MED13: variants seen among roughly 807,000 people sequenced by gnomAD.
MED13 encodes the protein mediator complex subunit 13, also known as mediator of RNA polymerase II transcription subunit 13.
MED13 carries 23 observed loss-of-function variants against 225.2 expected under a neutral mutation model. That is an observed-to-expected ratio of 0.10 (90% CI 0.07 to 0.14). The LOEUF (loss-of-function observed/expected upper bound fraction) is 0.14. MED13 is among the 10% of genes least tolerant of loss of function. The probability of loss-of-function intolerance (pLI) is 1.00; values close to 1 mark genes in which losing one functional copy is unlikely to be tolerated. For synonymous variants in MED13, 942 were observed against 889.2 expected, an observed-to-expected ratio of 1.06 and a Z score of -1.06; for missense variants, 2,197 against 2,594.5, an observed-to-expected ratio of 0.85 and a Z score of 3.33.
In MED13 at chr17:61,944,455, G is replaced by A. The variant is rs1054696845; in HGVS notation, c.*2013C>T. ...GTATTAGCATAATTTAAAAACAAAT[G>A]CAGAGAGGTGATCTTTAAATTTAAT... On this transcript the variant is annotated 3_prime_UTR_variant, in exon 30 of 30. Coordinates refer to ENST00000397786, the MANE Select transcript of MED13 (RefSeq NM_005121.3). 2 of 150,784 alleles carry A rather than the reference G, an allele frequency of 1.3e-5. No individual in the cohort carries two copies. Among genetic ancestry groups the A allele is most frequent in the African/African-American group, 4.9e-5 (2 of 41,016 alleles). 9.3% of individuals were successfully genotyped at this position (150,784 alleles called of 1,614,324 possible). A position where few individuals can be genotyped will look rare whatever the true frequency, so the allele number is the denominator to read the frequency against.
At chr17:61,990,688 AATAT>A (rs1213532141) in intron 11 of MED13, among the ~76,000 whole-genome samples, 9 of 149,304 alleles carry the variant, frequency 6.0e-5, no homozygotes, top group Admixed American at 1.3e-4. Context: ...GTATACCATA[AATAT>A]ATATAATTTT....
chr17:62,049,658 G>A (rs1348773338), intron 3 of MED13, among the ~76,000 whole-genome samples: 6 of 152,170 alleles, frequency 3.9e-5, no homozygotes, highest in African/African-American at 2.4e-5. Flanking sequence ...AAGGCTGGGC[G>A]CCGTGGCTCA....
At chr17:61,984,113 A>G in intron 15 of MED13, 58 bp downstream of exon 15, 6 of 1,209,742 alleles carry the variant, frequency 5.0e-6, no homozygotes, top group Non-Finnish European at 6.5e-6. Flanking sequence ...TAAATCTATG[A>G]AAAAAAAATT....
rs1431098403 is a variant in MED13, at chr17:61,995,137, T to C, written c.2181+15A>G. ...AATCAACAGTGACCCTTTGGTGTAC[T>C]GTGATTTCTCTTACCTTGTGTTTTT... On this transcript the variant is annotated intron_variant, in intron 10 of 29. Coordinates refer to ENST00000397786, the MANE Select transcript of MED13 (RefSeq NM_005121.3). 4 of 1,581,484 alleles carry C rather than the reference T, an allele frequency of 2.5e-6. No homozygotes were observed. Among genetic ancestry groups the C allele is most frequent in the Non-Finnish European group, 3.5e-6 (4 of 1,151,062 alleles).
intron 9 of MED13, chr17:62,004,455 C>T (rs539368403): frequency 6.6e-6 from 1 of 152,174 alleles, no homozygotes; most frequent in Non-Finnish European, 1.5e-5. Flanking sequence ...AACTTTTGAG[C>T]AGCACTGAAT....
intron 2 of MED13, among the ~76,000 whole-genome samples, chr17:62,056,444 A>G (rs1170314914): frequency 6.6e-6 from 1 of 152,192 alleles, no homozygotes; most frequent in Admixed American, 6.5e-5. Context: ...CCTAATAGAA[A>G]AAGTCTGCTT....
At chr17:61,992,710 C>T (rs372811813) in intron 10 of MED13, 89 bp from the exon 11 acceptor site, 4 of 842,174 alleles carry the variant, frequency 4.7e-6, no homozygotes, top group East Asian at 2.5e-5. Context: ...TGTCAGGCAT[C>T]CAGCTAAGTG....
chr17:62,017,010 C>CA (rs2080588593), intron 8 of MED13, among the ~76,000 whole-genome samples: 1 of 149,754 alleles, frequency 6.7e-6, no homozygotes, highest in African/African-American at 2.4e-5. Flanking sequence ...GACTCCACCT[C>CA]AAAAAATATA....
intron 3 of MED13, among the ~76,000 whole-genome samples, chr17:62,049,409 C>A (rs1425964005): frequency 6.6e-6 from 1 of 152,174 alleles, no homozygotes; most frequent in Non-Finnish European, 1.5e-5. Flanking sequence ...TAAGTATTTT[C>A]AGCTTTGCAA....
intron 12 of MED13, 81 bp from the exon 13 acceptor site, chr17:61,985,171 A>C: frequency 8.7e-7 from 1 of 1,148,972 alleles, no homozygotes; most frequent in Non-Finnish European, 1.3e-6. Context: ...ATATAACTTA[A>C]CAGTAAAGCC....
At chr17:62,052,739 G>A in intron 2 of MED13, 34 bp from the exon 3 acceptor site, 1 of 1,502,720 alleles carries the variant, frequency 6.7e-7, no homozygotes, top group Non-Finnish European at 9.0e-7. Context: ...ATAAAATAGT[G>A]ACACTATAAT....
chr17:62,010,328 A>G (rs2080494599), intron 9 of MED13: 1 of 380,008 alleles, frequency 2.6e-6, no homozygotes, highest in Non-Finnish European at 4.6e-6. Context: ...GCTGATGTAC[A>G]AGTGTTTACA....
chr17:62,021,299 C>T (rs1475472448), intron 8 of MED13, among the ~76,000 whole-genome samples: 2 of 147,464 alleles, frequency 1.4e-5, no homozygotes, highest in South Asian at 2.1e-4. Context: ...CCGGACGGGG[C>T]GGCTGGCCGG....
chr17:62,003,724 C>A (rs1162808070), intron 9 of MED13: 2 of 147,884 alleles, frequency 1.4e-5, no homozygotes. Flanking sequence ...TTTATTCAAT[C>A]TTTTTTTTCC....
chr17:61,953,682 T>C (rs2079915808), intron 26 of MED13, among the ~76,000 whole-genome samples: 1 of 152,252 alleles, frequency 6.6e-6, no homozygotes, highest in Admixed American at 6.5e-5. Context: ...TTTGGACTTC[T>C]GACTTCCAGA....
chr17:62,015,614 C>G (rs1279876518), intron 8 of MED13, among the ~76,000 whole-genome samples: 4 of 151,112 alleles, frequency 2.6e-5, no homozygotes, highest in Non-Finnish European at 4.4e-5. Context: ...CGCTCTGTTG[C>G]CCAGGCTGGA....
intron 17 of MED13, among the ~76,000 whole-genome samples, chr17:61,970,556 C>T (rs1231963388): frequency 6.6e-6 from 1 of 151,784 alleles, no homozygotes; most frequent in East Asian, 1.9e-4. Flanking sequence ...TTAATGCATG[C>T]CTGTAATCCC....
chr17:61,958,573 G>A (rs1006406805), intron 23 of MED13, among the ~76,000 whole-genome samples: 5 of 151,962 alleles, frequency 3.3e-5, no homozygotes, highest in Admixed American at 6.6e-5. Context: ...TCTTGACCTC[G>A]TGACCTGCCC....
At chr17:62,016,175 C>T (rs7224848) in intron 8 of MED13, among the ~76,000 whole-genome samples, 1 of 140,030 alleles carries the variant, frequency 7.1e-6, no homozygotes, top group Admixed American at 7.2e-5. Context: ...CCAAGAACAA[C>T]AACAAAAAAA....
Sources: allele counts gnomAD v4.1 joint callset (sites outside exome capture counted in the v4.1 genomes callset), GRCh38; gene constraint gnomAD v4.1.1; transcripts MANE v1.5; gene names NCBI Gene and HGNC (gene_info 2026-07-23, HGNC 2026-07-21).